RARB: variants seen among roughly 807,000 people sequenced by gnomAD.
RARB encodes the protein retinoic acid receptor beta.
In RARB, 17 loss-of-function variants were observed where a neutral mutation model predicts 51.9. The ratio of observed to expected loss-of-function variants is 0.33; its 90% CI spans 0.22 to 0.49. RARB has a LOEUF of 0.49. Among genes scored for constraint, RARB ranks in the 20% least tolerant of loss-of-function variants. The pLI, the probability that RARB is intolerant of heterozygous loss-of-function variation, is 0.99. For missense variants in RARB, 369 were observed against 550.8 expected (o/e 0.67, Z 3.30); for synonymous variants, 215 against 195.4 (o/e 1.10, Z -0.84).
intron 5 of RARB, among the ~76,000 whole-genome samples, chr3:25,390,898 A>AT (rs144944506): frequency 0.21 from 31,949 of 151,528 alleles, 3,573 homozygotes; most frequent in South Asian, 0.32. Flanking sequence ...AACTTTGATA[A>AT]TTTTTGTTTT....
chr3:25,533,505 T>C lies in RARB; in HGVS notation c.448+32182T>C, dbSNP rs376403134. Among the ~76,000 whole-genome samples, 27 of 152,356 alleles carry C rather than the reference T, an allele frequency of 1.8e-4. No individual in the cohort carries two copies. The East Asian group carries it at 4.4e-3, about 25-fold the overall frequency. On this transcript the variant is annotated intron_variant, in intron 3 of 7. Transcript: ENST00000330688. ...GGCTTTTAGTTCTCCATGGGTAGTATAGCACATGGAATGCAAGATAAAGTT... is the reference window on the plus strand; with the variant it reads ...GGCTTTTAGTTCTCCATGGGTAGTACAGCACATGGAATGCAAGATAAAGTT...
intron 5 of RARB, among the ~76,000 whole-genome samples, chr3:25,177,928 A>G (rs561800220): frequency 2.0e-5 from 3 of 152,216 alleles, no homozygotes; most frequent in Non-Finnish European, 4.4e-5. Context: ...TAAATTAGAA[A>G]GGAAACTTGT....
chr3:25,349,902 A>G (rs1290234034), intron 5 of RARB, among the ~76,000 whole-genome samples: 1 of 152,016 alleles, frequency 6.6e-6, no homozygotes, highest in African/African-American at 2.4e-5. Flanking sequence ...GCTAAGCCAG[A>G]ACAGTCTATT....
At chr3:25,111,318 T>C (rs1038327697) in intron 3 of RARB, among the ~76,000 whole-genome samples, 17 of 152,288 alleles carry the variant, frequency 1.1e-4, no homozygotes, top group African/African-American at 4.1e-4. Context: ...CCAGCAGCTA[T>C]TCTTAAGTTC....
At chr3:24,886,361 C>G (rs1409194389) in intron 2 of RARB, among the ~76,000 whole-genome samples, 1 of 151,990 alleles carries the variant, frequency 6.6e-6, no homozygotes, top group African/African-American at 2.4e-5. Flanking sequence ...GCTGGCTCAC[C>G]TAATCCTTAA....
chr3:25,310,034 G>T (rs1704251376), intron 5 of RARB, among the ~76,000 whole-genome samples: 1 of 152,172 alleles, frequency 6.6e-6, no homozygotes, highest in Non-Finnish European at 1.5e-5. Context: ...GTCCTTGCTG[G>T]CTCCTTATGG....
chr3:25,255,930 G>C (rs969452889), intron 5 of RARB, among the ~76,000 whole-genome samples: 1 of 152,086 alleles, frequency 6.6e-6, no homozygotes, highest in Non-Finnish European at 1.5e-5. Flanking sequence ...ATTTCCCACA[G>C]GTTTACTGAT....
intron 3 of RARB, among the ~76,000 whole-genome samples, chr3:25,123,122 A>G (rs989715042): frequency 6.6e-6 from 1 of 152,114 alleles, no homozygotes; most frequent in South Asian, 2.1e-4. Context: ...GAGGAGTTTC[A>G]TAACTGTTTT....
chr3:25,276,455 CCT>C (rs1477775081), intron 5 of RARB, among the ~76,000 whole-genome samples: 1 of 152,004 alleles, frequency 6.6e-6, no homozygotes, highest in Non-Finnish European at 1.5e-5. Context: ...ACTCAATAAA[CCT>C]AATTTGTAGA....
At chr3:25,172,921 C>CAA (rs1700671587) in intron 4 of RARB, among the ~76,000 whole-genome samples, 1 of 152,088 alleles carries the variant, frequency 6.6e-6, no homozygotes, top group South Asian at 2.1e-4. Context: ...ATTGAAAGGA[C>CAA]AAATAATTGC....
intron 3 of RARB, among the ~76,000 whole-genome samples, chr3:25,090,038 G>A (rs560490089): frequency 2.6e-5 from 4 of 152,190 alleles, no homozygotes; most frequent in East Asian, 1.9e-4. Flanking sequence ...TACATTAACC[G>A]AATGACAGAA....
intron 5 of RARB, among the ~76,000 whole-genome samples, chr3:25,397,744 T>C (rs73055789): frequency 0.043 from 6,586 of 152,244 alleles, 193 homozygotes; most frequent in Middle Eastern, 0.088. Context: ...TGGTCAGGAA[T>C]GAAAATTCTT....
intron 5 of RARB, among the ~76,000 whole-genome samples, chr3:25,353,206 G>C (rs1217268961): frequency 6.6e-6 from 1 of 152,108 alleles, no homozygotes; most frequent in East Asian, 1.9e-4. Flanking sequence ...TCTTTCAATG[G>C]TAAGTGGTGA....
At chr3:25,194,325 T>C (rs767768356) in intron 5 of RARB, among the ~76,000 whole-genome samples, 1 of 151,696 alleles carries the variant, frequency 6.6e-6, no homozygotes, top group Admixed American at 6.6e-5. Flanking sequence ...TGCAGGAGTA[T>C]AGTTAATAAT....
At chr3:25,574,720 G>T (rs1208368336) in intron 4 of RARB, among the ~76,000 whole-genome samples, 1 of 152,166 alleles carries the variant, frequency 6.6e-6, no homozygotes, top group Non-Finnish European at 1.5e-5. Context: ...ACCACAAACA[G>T]AATTATTAAC....
intron 3 of RARB, among the ~76,000 whole-genome samples, chr3:25,078,100 C>A (rs1393520817): frequency 6.6e-6 from 1 of 151,816 alleles, no homozygotes; most frequent in African/African-American, 2.4e-5. Flanking sequence ...GGATATCTTG[C>A]CCATTTTGTT....
intron 4 of RARB, among the ~76,000 whole-genome samples, chr3:25,575,386 C>T (rs1393629538): frequency 6.6e-6 from 1 of 152,186 alleles, no homozygotes; most frequent in Non-Finnish European, 1.5e-5. Context: ...TGCATACCTA[C>T]TGTGTTAGTT....
chr3:25,174,847 A>G (rs866346536), intron 5 of RARB, among the ~76,000 whole-genome samples: 40 of 152,370 alleles, frequency 2.6e-4, no homozygotes, highest in African/African-American at 8.2e-4. Flanking sequence ...TGTGTGGTTA[A>G]TATCTGTGAT....
chr3:25,383,844 T>G, intron 5 of RARB, among the ~76,000 whole-genome samples: 1 of 151,590 alleles, frequency 6.6e-6, no homozygotes, highest in African/African-American at 2.4e-5. Context: ...GCAGGAGAAT[T>G]GCTTGAACCT....
Sources: allele counts gnomAD v4.1 joint callset (sites outside exome capture counted in the v4.1 genomes callset), GRCh38; gene constraint gnomAD v4.1.1; transcripts MANE v1.5; gene names NCBI Gene and HGNC (gene_info 2026-07-23, HGNC 2026-07-21).